RER1: variants seen among roughly 807,000 people sequenced by gnomAD.
The protein encoded by RER1 is retention in endoplasmic reticulum sorting receptor 1, also known as protein RER1.
RER1 carries 6 observed loss-of-function variants against 28.3 expected under a neutral mutation model. That is an observed-to-expected ratio of 0.21 (90% CI 0.12 to 0.42). The LOEUF is 0.42. Among genes scored for constraint, RER1 ranks in the 10% least tolerant of loss-of-function variants. The pLI is 1.00. For synonymous variants in RER1, 110 were observed against 95.9 expected, an observed-to-expected ratio of 1.15 and a Z score of -0.86; for missense variants, 159 against 252.9, an observed-to-expected ratio of 0.63 and a Z score of 2.52.
At chr1:2,401,510 G>C (rs1438960908) in intron 5 of RER1, among the ~76,000 whole-genome samples, 1 of 148,598 alleles carries the variant, frequency 6.7e-6, no homozygotes, top group Non-Finnish European at 1.5e-5. Flanking sequence ...GGTTTGAGCC[G>C]AGGTGTCCGT....
intron 5 of RER1, among the ~76,000 whole-genome samples, chr1:2,401,292 C>CCCTCCTT (rs1465600196): frequency 1.8e-5 from 2 of 108,646 alleles, no homozygotes; most frequent in Non-Finnish European, 3.9e-5. Flanking sequence ...CCTCCTTCCT[C>CCCTCCTT]CCTCCTTCCT....
chr1:2,399,494 C>G lies in RER1; in HGVS notation c.266C>G (p.Pro89Arg). 6.2e-7 allele frequency: 1 copy of G among 1,610,934 alleles called. No individual in the cohort carries two copies. The highest frequency in any genetic ancestry group is 8.5e-7 in the Non-Finnish European group (1 of 1,177,084). Residue 89 changes from proline (P) to arginine (R), a missense_variant, in exon 4 of 7, where the codon CCT (proline) becomes CGT (arginine). Transcript: ENST00000605895. ...GCTTTTCTTTCTCCCAAAGTGGATC[C>G]TTCCTTAATGGAAGACTCAGGTAGG... ...FIAFLSPKVDPSLMEDSDDGP... is the reference protein window; with the variant it reads ...FIAFLSPKVDRSLMEDSDDGP...
intron 1 of RER1, among the ~76,000 whole-genome samples, chr1:2,393,512 G>T (rs1642723383): frequency 6.6e-6 from 1 of 152,202 alleles, no homozygotes; most frequent in Non-Finnish European, 1.5e-5. Context: ...GTGAGGGCTG[G>T]CCCTGATCCA....
At chr1:2,399,333 G>A in intron 3 of RER1, 82 bp from the exon 4 acceptor site, 1 of 896,940 alleles carries the variant, frequency 1.1e-6, no homozygotes, top group Non-Finnish European at 1.9e-6. Context: ...AAAGTTGAGA[G>A]TGAACCGGAG....
chr1:2,392,967 C>T (rs1642708365), intron 1 of RER1, among the ~76,000 whole-genome samples: 1 of 10,868 alleles, frequency 9.2e-5, no homozygotes, highest in Admixed American at 8.3e-4. Context: ...CGGGGGCTTT[C>T]TTAGTCCCGG....
At chr1:2,400,658 C>G (rs1309518309) in intron 4 of RER1, among the ~76,000 whole-genome samples, 199 bp from the exon 5 acceptor site, 1 of 152,246 alleles carries the variant, frequency 6.6e-6, no homozygotes, top group South Asian at 2.1e-4. Flanking sequence ...TAAAAACATT[C>G]TGATAGCACC....
At chr1:2,392,798 A>T (rs1353371082) in intron 1 of RER1, among the ~76,000 whole-genome samples, 3 of 152,022 alleles carry the variant, frequency 2.0e-5, no homozygotes, top group Non-Finnish European at 4.4e-5. Flanking sequence ...CGGCGGTAAC[A>T]GTGTGTCAGA....
chr1:2,403,061 G>A lies in RER1; in HGVS notation c.528G>A (p.Pro176=), dbSNP rs369098471. 10 of 1,613,954 alleles carry A rather than the reference G, an allele frequency of 6.2e-6. No individual in the cohort carries two copies. The highest frequency in any genetic ancestry group is 1.3e-5 in the African/African-American group (1 of 75,050). The part of the protein sequence containing the change: ...IKHMIKYRYI[P]FTHGKRRYRG... ...ACATGATTAAGTACCGGTACATCCC[G>A]TTCACACATGGGAAGAGAAGGTACA... is the stretch of plus-strand genomic sequence containing the variant. The change falls in exon 7 of 7, where the codon CCG becomes CCA. Residue 176 remains proline (P), a synonymous_variant. Transcript: ENST00000605895.
At chr1:2,399,864 G>A (rs1292257038) in intron 4 of RER1, among the ~76,000 whole-genome samples, 2 of 152,336 alleles carry the variant, frequency 1.3e-5, no homozygotes, top group East Asian at 3.9e-4. Flanking sequence ...CAGAATCAGC[G>A]GAGGCAGCCA....
In RER1 at chr1:2,392,130, C is replaced by T. The variant is rs540185108; in HGVS notation, c.-8+172C>T. Among the ~76,000 whole-genome samples the T allele has an allele frequency of 3.3e-4, 50 of 149,780 alleles. No individual in the cohort carries two copies. In the South Asian group the frequency reaches 0.01, roughly 31 times the overall value. On this transcript the variant is annotated intron_variant, in intron 1 of 6. Transcript: ENST00000605895. ...TCCCGACCCGCGGCCCTGAGGGGTA[C>T]GGGTCGCGCCTCGGGGTCGGGCCCG...
chr1:2,401,281 T>G (rs971089829), intron 5 of RER1, among the ~76,000 whole-genome samples: 1 of 38,074 alleles, frequency 2.6e-5, no homozygotes, highest in Non-Finnish European at 5.3e-5. Context: ...CCCTCCTCCC[T>G]CCTCCTTCCT....
chr1:2,402,714 G>T (rs967954466), intron 6 of RER1, among the ~76,000 whole-genome samples: 1 of 152,218 alleles, frequency 6.6e-6, no homozygotes, highest in Non-Finnish European at 1.5e-5. Flanking sequence ...TGCCCTTGAC[G>T]GTGTGGCCTT....
At chr1:2,398,881 C>T (rs943794217) in intron 3 of RER1, among the ~76,000 whole-genome samples, 6 of 152,206 alleles carry the variant, frequency 3.9e-5, no homozygotes, top group Non-Finnish European at 8.8e-5. Context: ...TTGTGGATTT[C>T]TTCTGGGCAA....
At chr1:2,397,077 C>T (rs756769004) in intron 2 of RER1, 39 bp from the exon 3 acceptor site, 5 of 1,413,682 alleles carry the variant, frequency 3.5e-6, no homozygotes, top group East Asian at 2.3e-5. Context: ...ACAGAAGTTA[C>T]AGGACCTGCT....
rs1467114246 is a variant in RER1, at chr1:2,402,082, C to T, written c.366-125C>T. ...TGCTGCTGCTGTGCCCAGGGTAGAC[C>T]CCTCCTTTCCACAGGGATGCTTCTG... On this transcript the variant is annotated intron_variant, in intron 5 of 6. Transcript: ENST00000605895. The T allele has an allele frequency of 5.0e-6, 8 of 1,603,840 alleles. No homozygotes were observed. The East Asian group carries it at 1.1e-4, about 23-fold the overall frequency.
chr1:2,399,941 G>A (rs985012785), intron 4 of RER1, among the ~76,000 whole-genome samples: 3 of 152,214 alleles, frequency 2.0e-5, no homozygotes, highest in African/African-American at 4.8e-5. Flanking sequence ...CACAGAGACC[G>A]CCGGGACTCT....
At chr1:2,398,382 C>G (rs1300390009) in intron 3 of RER1, among the ~76,000 whole-genome samples, 5 of 152,206 alleles carry the variant, frequency 3.3e-5, no homozygotes, top group Non-Finnish European at 7.3e-5. Context: ...AAAGTTAAAG[C>G]ATTTATATTT....
At chr1:2,400,784 C>T (rs758689154) in intron 4 of RER1, 73 bp from the exon 5 acceptor site, 24 of 1,281,266 alleles carry the variant, frequency 1.9e-5, no homozygotes, top group Non-Finnish European at 2.7e-5. Context: ...AGTCCAAAGC[C>T]TTGAGGGGAA....
chr1:2,395,627 A>G (rs375774099), intron 1 of RER1, 157 bp from the exon 2 acceptor site: 37 of 637,126 alleles, frequency 5.8e-5, no homozygotes, highest in Middle Eastern at 4.2e-4. Context: ...TGTACCTGCT[A>G]CTTTTTCCCG....
Sources: gnomAD v4.1 joint callset for allele counts (sites outside exome capture counted in the v4.1 genomes callset) on GRCh38, gnomAD v4.1.1 for gene constraint, MANE v1.5 for transcripts, NCBI Gene and HGNC (gene_info 2026-07-23, HGNC 2026-07-21) for gene names.